MYOM3: variants seen among roughly 807,000 people sequenced by gnomAD.
MYOM3 encodes myomesin 3.
A neutral mutation model predicts 191.7 loss-of-function variants in MYOM3; 155 were observed. That is an observed-to-expected ratio of 0.81 (90% confidence interval 0.71 to 0.92). The LOEUF is 0.92. Ranked by LOEUF, MYOM3 falls within the 40% of genes least tolerant of loss-of-function variation. MYOM3 has a pLI of 0.00. For synonymous variants in MYOM3, 757 were observed against 762.9 expected, an observed-to-expected ratio of 0.99 and a Z score of 0.13; for missense variants, 1,889 against 1,890.6, an observed-to-expected ratio of 1.00 and a Z score of 0.02.
At chr1:24,101,655 G>A (rs1267802602) in intron 5 of MYOM3, among the ~76,000 whole-genome samples, 1 of 152,236 alleles carries the variant, frequency 6.6e-6, no homozygotes, top group East Asian at 1.9e-4. Flanking sequence ...AGGAGGCTGA[G>A]GCAGGAGGAC....
intron 27 of MYOM3, among the ~76,000 whole-genome samples, chr1:24,067,693 C>T (rs1643470908): frequency 6.6e-6 from 1 of 152,068 alleles, no homozygotes; most frequent in Non-Finnish European, 1.5e-5. Context: ...AACTCCTGGC[C>T]TCAAGTGATC....
At chr1:24,108,240 G>A in intron 2 of MYOM3, 167 bp from the exon 3 acceptor site, 1 of 753,280 alleles carries the variant, frequency 1.3e-6, no homozygotes, top group Non-Finnish European at 2.1e-6. Flanking sequence ...CCCCGACCCT[G>A]AATGTGCTTC....
chr1:24,109,790 C>T (rs1644024004), intron 1 of MYOM3, among the ~76,000 whole-genome samples: 1 of 152,250 alleles, frequency 6.6e-6, no homozygotes, highest in African/African-American at 2.4e-5. Flanking sequence ...ATCCCTAGCC[C>T]AACCCCTAGC....
intron 28 of MYOM3, 45 bp downstream of exon 28, chr1:24,066,976 G>T: frequency 2.6e-6 from 4 of 1,514,156 alleles, no homozygotes; most frequent in Non-Finnish European, 3.6e-6. Context: ...ACAAGCCACA[G>T]GTCCCCCTGC....
intron 14 of MYOM3, among the ~76,000 whole-genome samples, chr1:24,088,597 G>A (rs536385235): frequency 1.5e-4 from 23 of 152,062 alleles, no homozygotes; most frequent in African/African-American, 2.7e-4. Context: ...TTCCTATGTC[G>A]GAGAAAAAGG....
intron 1 of MYOM3, among the ~76,000 whole-genome samples, chr1:24,110,945 C>G (rs987621710): frequency 3.3e-5 from 5 of 152,224 alleles, no homozygotes; most frequent in African/African-American, 1.2e-4. Flanking sequence ...TCCCTGGCAC[C>G]AGCCACTGGC....
Position 24,084,395 on chromosome 1 carries a change from A to T in MYOM3, c.1970+73T>A, listed in dbSNP as rs1166910792. 3 of 1,542,516 alleles carry T rather than the reference A, an allele frequency of 1.9e-6. No individual in the cohort carries two copies. The African/African-American group carries it at 4.1e-5, about 21-fold the overall frequency. On this transcript the variant is annotated intron_variant, in intron 16 of 36. Transcript: ENST00000374434. Reference sequence around the variant, plus strand: ...GCTGATTAAACCTCTTTTCTTTATAAAAGAAATTACCCAGTCTCAGGTATG... The same window carrying T: ...GCTGATTAAACCTCTTTTCTTTATATAAGAAATTACCCAGTCTCAGGTATG...
In MYOM3 at chr1:24,075,361, G is replaced by A; in HGVS notation, c.2816C>T (p.Pro939Leu). 6.2e-7 allele frequency: 1 copy of A among 1,612,906 alleles called. No homozygotes were observed. Among genetic ancestry groups the A allele is most frequent in the Non-Finnish European group, 8.5e-7 (1 of 1,179,916 alleles). ...GATCTTGACCCTCTGGGGGTCCAGT[G>A]GGCCCTTGTAGTCTTTGGACCACTG... ...EFQWSKDYKGPLDPQRVKIED... is the reference protein window; with the variant it reads ...EFQWSKDYKGLLDPQRVKIED... Residue 939 changes from proline (P) to leucine (L), a missense_variant, in exon 22 of 37, where the codon CCA (proline) becomes CTA (leucine). Pro to Leu is a moderately conservative substitution (Grantham distance 98). Coordinates refer to ENST00000374434, the MANE Select transcript of MYOM3 (RefSeq NM_152372.4).
chr1:24,067,325 C>CTTCT (rs796793986), intron 27 of MYOM3, among the ~76,000 whole-genome samples: 6,899 of 58,846 alleles, frequency 0.12, 584 homozygotes, highest in South Asian at 0.14. Flanking sequence ...TCTTTCTTTC[C>CTTCT]TTCTTTCTTT....
chr1:24,079,069 T>C (rs1570866869), intron 20 of MYOM3, among the ~76,000 whole-genome samples: 1 of 152,244 alleles, frequency 6.6e-6, no homozygotes, highest in East Asian at 1.9e-4. Flanking sequence ...TGTTTATTTA[T>C]CTATATTATA....
rs1643766184 is a variant in MYOM3 at position 24,087,672 on chromosome 1, TA to T, written c.1615-846del. 6.6e-6 allele frequency among the ~76,000 whole-genome samples: 1 copy of T among 152,258 alleles called. No individual in the cohort carries two copies. Among genetic ancestry groups the T allele is most frequent in the East Asian group, 1.9e-4 (1 of 5,174 alleles). ...GGGAGGCCATCCCAGCCACTCCATC[TA>T]AAAATGTCAGCAGCTCCTCTCCCCA... On this transcript the variant is annotated intron_variant, in intron 14 of 36. Transcript: ENST00000374434. The surrounding 1 kb of genome is among the most constrained non-coding windows in gnomAD (Gnocchi z 4.5).
rs940656753 is a variant in MYOM3, at chr1:24,086,936, A to G, written c.1615-109T>C. The G allele has an allele frequency of 6.6e-6, 8 of 1,208,740 alleles. No homozygotes were observed. In the Admixed American group the frequency reaches 1.7e-4, roughly 26 times the overall value. The allele number at this position is 1,208,740 out of a possible 1,614,324, so 74.9% of individuals were successfully genotyped here. A position where few individuals can be genotyped will look rare whatever the true frequency, so the allele number is the denominator to read the frequency against. On this transcript the variant is annotated intron_variant, in intron 14 of 36. Transcript: ENST00000374434. ...AGCCCGTGTGCTCTCATGATCCTCTATACTCAGCCCAGGCTGCCCCTGAGC... is the reference window on the plus strand; with the variant it reads ...AGCCCGTGTGCTCTCATGATCCTCTGTACTCAGCCCAGGCTGCCCCTGAGC...
Position 24,056,561 on chromosome 1 carries a change from GT to G in MYOM3, c.*802del. ...TTTTTGTATTTTTAGTAGAGACCGG[GT>G]TTCGTCATGTTGGCCAGGCTGGTCT... On this transcript the variant is annotated 3_prime_UTR_variant, in exon 37 of 37. Transcript: ENST00000374434. 1 of 152,334 alleles carries G rather than the reference GT, an allele frequency of 6.6e-6. No homozygotes were observed. The highest frequency in any genetic ancestry group is 6.5e-5 in the Admixed American group (1 of 15,284). The allele number at this position is 152,334 out of a possible 1,614,324, so 9.4% of individuals were successfully genotyped here. A position where few individuals can be genotyped will look rare whatever the true frequency, so the allele number is the denominator to read the frequency against.
chr1:24,074,746 G>T (rs748165142), intron 22 of MYOM3, among the ~76,000 whole-genome samples: 11 of 152,216 alleles, frequency 7.2e-5, no homozygotes, highest in Non-Finnish European at 1.6e-4. Context: ...AAGGTACTTA[G>T]TTAGAGGCAC....
intron 27 of MYOM3, among the ~76,000 whole-genome samples, 195 bp from the exon 28 acceptor site, chr1:24,067,283 C>T (rs796065521): frequency 5.3e-4 from 58 of 108,834 alleles, no homozygotes; most frequent in South Asian, 2.0e-3. Flanking sequence ...TTTCTTCCTT[C>T]CTTTCTTTCT....
In MYOM3 at chr1:24,063,261, T is replaced by C. The variant is rs1643394141; in HGVS notation, c.3662-27A>G. 1 of 1,590,642 alleles carries C rather than the reference T, an allele frequency of 6.3e-7. No homozygotes were observed. The highest frequency in any genetic ancestry group is 8.6e-7 in the Non-Finnish European group (1 of 1,159,168). ...TGGGGAGACAGAGGAGAAGGATGAA[T>C]CTTCCCTGAGGCCATTTAGGCATCA... On this transcript the variant is annotated intron_variant, in intron 31 of 36. Coordinates refer to ENST00000374434, the MANE Select transcript of MYOM3 (RefSeq NM_152372.4). The surrounding 1 kb of genome is among the most constrained non-coding windows in gnomAD (Gnocchi z 4.5).
intron 5 of MYOM3, among the ~76,000 whole-genome samples, chr1:24,102,697 T>C (rs936408307): frequency 6.6e-6 from 1 of 151,986 alleles, no homozygotes; most frequent in South Asian, 2.1e-4. Context: ...AATTGAAAAG[T>C]TAGCCAGGTG....
At chr1:24,085,498 C>A (rs10493020) in intron 15 of MYOM3, among the ~76,000 whole-genome samples, 24,111 of 152,102 alleles carry the variant, frequency 0.16, 2,085 homozygotes, top group South Asian at 0.25. Context: ...TCTCTATTTT[C>A]TTTTGGCCCC....
At chr1:24,084,272 T>C (rs372431715) in intron 16 of MYOM3, 196 bp downstream of exon 16, 18 of 594,680 alleles carry the variant, frequency 3.0e-5, no homozygotes, top group African/African-American at 2.2e-4. Context: ...GCTCCCGCCA[T>C]GTAAGACATG....
Sources: gnomAD v4.1 joint callset for allele counts (sites outside exome capture counted in the v4.1 genomes callset) on GRCh38, gnomAD v4.1.1 for gene constraint, Gnocchi (gnomAD v3.1) non-coding constraint, MANE v1.5 for transcripts, NCBI Gene and HGNC (gene_info 2026-07-23, HGNC 2026-07-21) for gene names.